Variants in KCND2 observed in about 807,000 individuals in gnomAD.
The protein encoded by KCND2 is potassium voltage-gated channel subfamily D member 2, also known as A-type voltage-gated potassium channel KCND2.
KCND2 carries 16 observed loss-of-function variants against 54.4 expected under a neutral mutation model. The observed-to-expected ratio is 0.29, with a 90% CI of 0.20 to 0.45. The LOEUF is 0.45. KCND2 is among the 20% of genes least tolerant of loss of function. The pLI is 1.00. For synonymous variants in KCND2, 317 were observed against 310.7 expected, an observed-to-expected ratio of 1.02 and a Z score of -0.21; for missense variants, 486 against 824.2, an observed-to-expected ratio of 0.59 and a Z score of 5.02.
At position 120,312,595 on chromosome 7, in the gene KCND2, C is replaced by T. The variant is rs572921253; in HGVS notation, c.1115+36848C>T. ...TCTAAATTGACATTCATGGCTATGGCGACAAAAATTCATACATTCAGCCTC... is the reference window on the plus strand; with the variant it reads ...TCTAAATTGACATTCATGGCTATGGTGACAAAAATTCATACATTCAGCCTC... On this transcript the variant is annotated intron_variant, in intron 1 of 5. Transcript: ENST00000331113. Among the ~76,000 whole-genome samples, 5 of 152,050 alleles carry T rather than the reference C, an allele frequency of 3.3e-5. 1 individual carries two copies. Among genetic ancestry groups the T allele is most frequent in the Admixed American group, 6.6e-5 (1 of 15,244 alleles).
chr7:120,654,008 A>C (rs1326567558), intron 1 of KCND2, among the ~76,000 whole-genome samples: 1 of 152,166 alleles, frequency 6.6e-6, no homozygotes, highest in African/African-American at 2.4e-5. Flanking sequence ...TTGTGACTTA[A>C]ATGCCTTCAG....
chr7:120,686,881 G>A (rs1014573034), intron 1 of KCND2, among the ~76,000 whole-genome samples: 4 of 152,238 alleles, frequency 2.6e-5, no homozygotes, highest in South Asian at 2.1e-4. Context: ...TCAGGAAACC[G>A]CTGATCACTA....
At chr7:120,509,019 G>A (rs1037887812) in intron 1 of KCND2, among the ~76,000 whole-genome samples, 2 of 151,642 alleles carry the variant, frequency 1.3e-5, no homozygotes, top group Non-Finnish European at 2.9e-5. Flanking sequence ...TTGTGAATAT[G>A]CAAGTAATAT....
chr7:120,623,096 C>T (rs1199649841), intron 1 of KCND2, among the ~76,000 whole-genome samples: 1 of 152,044 alleles, frequency 6.6e-6, no homozygotes, highest in African/African-American at 2.4e-5. Flanking sequence ...AAACCTGACC[C>T]AGAAGATACT....
intron 1 of KCND2, among the ~76,000 whole-genome samples, chr7:120,556,378 C>A (rs760214878): frequency 2.8e-4 from 43 of 152,274 alleles, no homozygotes; most frequent in Non-Finnish European, 5.1e-4. Flanking sequence ...GGTGACCCAG[C>A]CATTCTGCAT....
intron 1 of KCND2, among the ~76,000 whole-genome samples, chr7:120,371,691 A>G (rs1800767962): frequency 6.6e-6 from 1 of 151,908 alleles, no homozygotes; most frequent in African/African-American, 2.4e-5. Context: ...TTTATGCTTT[A>G]TTTTTACTGC....
chr7:120,738,364 C>T (rs1159893490), intron 2 of KCND2, among the ~76,000 whole-genome samples: 1 of 151,954 alleles, frequency 6.6e-6, no homozygotes, highest in Non-Finnish European at 1.5e-5. Context: ...TTCCTTGGAA[C>T]CAACTTTGAG....
chr7:120,312,173 C>G (rs1799744128), intron 1 of KCND2, among the ~76,000 whole-genome samples: 1 of 152,130 alleles, frequency 6.6e-6, no homozygotes, highest in South Asian at 2.1e-4. Flanking sequence ...TCCCAAAATG[C>G]TGGGATTACA....
At chr7:120,407,489 C>T (rs1801379336) in intron 1 of KCND2, among the ~76,000 whole-genome samples, 1 of 151,958 alleles carries the variant, frequency 6.6e-6, no homozygotes, top group Non-Finnish European at 1.5e-5. Context: ...GGATCCAGAC[C>T]ACTGATGCTT....
intron 1 of KCND2, among the ~76,000 whole-genome samples, chr7:120,334,189 G>A (rs563038423): frequency 6.6e-6 from 1 of 152,116 alleles, no homozygotes; most frequent in Admixed American, 6.6e-5. Flanking sequence ...ACATTAAGAG[G>A]AGTAAAATAG....
chr7:120,575,474 C>T (rs193050737), intron 1 of KCND2, among the ~76,000 whole-genome samples: 1 of 152,256 alleles, frequency 6.6e-6, no homozygotes, highest in African/African-American at 2.4e-5. Flanking sequence ...TAGCTGTTCC[C>T]ACCCAGATTG....
In KCND2 at chr7:120,406,705, A is replaced by G. The variant is rs529156053; in HGVS notation, c.1115+130958A>G. Among the ~76,000 whole-genome samples, 9 of 152,122 alleles carry G rather than the reference A, an allele frequency of 5.9e-5. No individual in the cohort carries two copies. The South Asian group carries it at 1.9e-3, about 32-fold the overall frequency. ...GCAAAGTTAGGAATTGAGCTGAGAA[A>G]TGAAGAATGGAAACAGGGCAGGAAA... On this transcript the variant is annotated intron_variant, in intron 1 of 5. Transcript: ENST00000331113.
chr7:120,321,352 T>C (rs963986806), intron 1 of KCND2, among the ~76,000 whole-genome samples: 1 of 152,158 alleles, frequency 6.6e-6, no homozygotes, highest in Non-Finnish European at 1.5e-5. Context: ...TAGGCATGTC[T>C]TGAACTCCTG....
chr7:120,476,664 G>A (rs1802537969), intron 1 of KCND2, among the ~76,000 whole-genome samples: 1 of 152,046 alleles, frequency 6.6e-6, no homozygotes, highest in Non-Finnish European at 1.5e-5. Context: ...GAGGTAAGTG[G>A]CAAATATTGC....
At chr7:120,569,354 A>G (rs1653388904) in intron 1 of KCND2, among the ~76,000 whole-genome samples, 1 of 152,182 alleles carries the variant, frequency 6.6e-6, no homozygotes, top group Non-Finnish European at 1.5e-5. Flanking sequence ...TCTGAAAATT[A>G]TCTAATTATT....
intron 1 of KCND2, among the ~76,000 whole-genome samples, chr7:120,366,969 A>G (rs948828783): frequency 5.3e-5 from 8 of 152,056 alleles, no homozygotes; most frequent in Non-Finnish European, 2.9e-5. Context: ...ATCAAATTAG[A>G]TAATATACAT....
intron 1 of KCND2, among the ~76,000 whole-genome samples, chr7:120,448,207 G>A (rs556010917): frequency 1.2e-4 from 17 of 143,008 alleles, no homozygotes; most frequent in Non-Finnish European, 2.2e-4. Context: ...AGGCCCCAGT[G>A]TGTGATGTTC....
intron 1 of KCND2, among the ~76,000 whole-genome samples, chr7:120,582,944 GTGTGTGTGTA>G (rs1329051999): frequency 1.7e-5 from 2 of 117,386 alleles, no homozygotes; most frequent in Non-Finnish European, 3.8e-5. Context: ...GCATTGCTCT[GTGTGTGTGTA>G]TGTGTGTGTG....
At chr7:120,544,830 CA>C (rs1792024118) in intron 1 of KCND2, among the ~76,000 whole-genome samples, 1 of 151,876 alleles carries the variant, frequency 6.6e-6, no homozygotes, top group East Asian at 1.9e-4. Flanking sequence ...AGTTCAAAAT[CA>C]CCTGGTTTTC....
Sources: gnomAD v4.1 joint callset for allele counts (sites outside exome capture counted in the v4.1 genomes callset) on GRCh38, gnomAD v4.1.1 for gene constraint, MANE v1.5 for transcripts, NCBI Gene and HGNC (gene_info 2026-07-23, HGNC 2026-07-21) for gene names.